Variants in CC2D2A observed in about 807,000 individuals in gnomAD.
CC2D2A encodes coiled-coil and C2 domain-containing protein 2A.
A neutral mutation model predicts 212.9 loss-of-function variants in CC2D2A; 155 were observed. The ratio of observed to expected loss-of-function variants is 0.73; its 90% CI spans 0.64 to 0.83. The LOEUF (loss-of-function observed/expected upper bound fraction) is 0.83. Ranked by LOEUF, CC2D2A falls within the 40% of genes least tolerant of loss-of-function variation. The pLI is 0.00. For synonymous variants in CC2D2A, 667 were observed against 686.5 expected (o/e 0.97, Z 0.44); for missense variants, 1,856 against 1,956.2 (o/e 0.95, Z 0.97).
At position 15,529,586 on chromosome 4, in the gene CC2D2A, C is replaced by T. The variant is rs78555296; in HGVS notation, c.1466+860C>T. Among the ~76,000 whole-genome samples the T allele has an allele frequency of 3.3e-3, 507 of 152,160 alleles. 3 individuals are homozygous for T. Among genetic ancestry groups the T allele is most frequent in the African/African-American group, 0.012 (488 of 41,518 alleles). Reference sequence around the variant, plus strand: ...TATACAATGCATCTTAGACATTTTCCTGTTACAGTGCATGTAGATTTATAT... The same window carrying T: ...TATACAATGCATCTTAGACATTTTCTTGTTACAGTGCATGTAGATTTATAT... On this transcript the variant is annotated intron_variant, in intron 13 of 36. Coordinates refer to ENST00000424120, the MANE Select transcript of CC2D2A (RefSeq NM_001378615.1).
chr4:15,516,938 T>G (rs1233359911), intron 11 of CC2D2A, among the ~76,000 whole-genome samples, 182 bp downstream of exon 11: 2 of 144,662 alleles, frequency 1.4e-5, no homozygotes, highest in Non-Finnish European at 3.0e-5. Context: ...ACTCAATGCA[T>G]CCCTTCTTTT....
intron 2 of CC2D2A, 114 bp downstream of exon 2, chr4:15,476,085 G>C (rs906207095): frequency 3.5e-6 from 3 of 856,770 alleles, no homozygotes; most frequent in Non-Finnish European, 5.4e-6. Flanking sequence ...CATGTTAAAA[G>C]AAAAGCTTTA....
chr4:15,523,755 T>C (rs1166961171), intron 11 of CC2D2A, among the ~76,000 whole-genome samples: 3 of 152,228 alleles, frequency 2.0e-5, no homozygotes, highest in Non-Finnish European at 4.4e-5. Context: ...TCTTCTTGAA[T>C]ACTGGTGGGC....
Position 15,540,842 on chromosome 4 carries a change from A to T in CC2D2A, c.2009A>T (p.Glu670Val), listed in dbSNP as rs1718390262. The change falls in exon 17 of 37, where the codon GAG becomes GTG. Residue 670 changes from glutamate (E) to valine (V), a missense_variant. By Grantham distance (121) the Glu-to-Val change is moderately radical. Transcript: ENST00000424120. ...VTPNDQCPRA[E>V]VSRREDVKKR... is the part of the protein sequence containing the mutation. ...TGAATGGTCTCCTTTTGCAGAGCGG[A>T]GGTCTCGAGAAGGGAGGATGTAAAG... 1.3e-6 allele frequency: 2 copies of T among 1,597,468 alleles called. No homozygotes were observed. The highest frequency in any genetic ancestry group is 1.1e-5 in the South Asian group (1 of 87,636).
At chr4:15,558,193 G>A (rs1018618106) in intron 21 of CC2D2A, among the ~76,000 whole-genome samples, 1 of 152,074 alleles carries the variant, frequency 6.6e-6, no homozygotes, top group Non-Finnish European at 1.5e-5. Context: ...GTAGACACAT[G>A]CACTTTTATT....
intron 28 of CC2D2A, among the ~76,000 whole-genome samples, chr4:15,573,360 G>A (rs1359357770): frequency 2.6e-5 from 4 of 151,314 alleles, no homozygotes; most frequent in Admixed American, 1.3e-4. Flanking sequence ...GCGCCATCTC[G>A]GCTCACTGCA....
At chr4:15,571,928 T>G (rs996034485) in intron 28 of CC2D2A, among the ~76,000 whole-genome samples, 1 of 152,182 alleles carries the variant, frequency 6.6e-6, no homozygotes, top group East Asian at 1.9e-4. Flanking sequence ...TCTGGTAATA[T>G]CTGTGCTCTG....
chr4:15,554,894 C>T (rs1719200416), intron 19 of CC2D2A, among the ~76,000 whole-genome samples, 178 bp from the exon 20 acceptor site: 1 of 152,114 alleles, frequency 6.6e-6, no homozygotes, highest in Non-Finnish European at 1.5e-5. Context: ...TCTTTATTGT[C>T]CTTATGTTTA....
In CC2D2A at chr4:15,555,123, A is replaced by G; in HGVS notation, c.2538A>G (p.Thr846=). The G allele has an allele frequency of 6.2e-7, 1 of 1,613,860 alleles. No individual in the cohort carries two copies. The highest frequency in any genetic ancestry group is 2.2e-5 in the East Asian group (1 of 44,856). ...CATCTATTGGCACATCAGGACTGAC[A>G]GACATGAAAAAATTGGCCAAGTGGG... is the stretch of plus-strand genomic sequence containing the variant. ...AISSIGTSGL[T]DMKKLAKWAA... is the part of the protein sequence containing the mutation. The change falls in exon 20 of 37, where the codon ACA becomes ACG. Residue 846 remains threonine, a synonymous_variant. Transcript: ENST00000424120.
intron 28 of CC2D2A, among the ~76,000 whole-genome samples, chr4:15,571,090 T>C (rs1720143962): frequency 6.6e-6 from 1 of 152,192 alleles, no homozygotes; most frequent in African/African-American, 2.4e-5. Flanking sequence ...CTGATAATTT[T>C]TTAAATATTA....
At position 15,527,646 on chromosome 4, in the gene CC2D2A, T is replaced by C; in HGVS notation, c.1349T>C (p.Leu450Pro). ...ARHQRNKAKF[L>P]TDKLQALRNA... ...CACCAGAGAAACAAGGCGAAATTTC[T>C]TACTGATAAGGTACATGTGATTTCT... The change falls in exon 12 of 37, where the codon CTT (leucine) becomes CCT (proline). Residue 450 changes from leucine (L) to proline (P), a missense_variant. Physicochemically the swap from Leu to Pro is moderately conservative, Grantham distance 98 (BLOSUM62 -3). Transcript: ENST00000424120. The C allele has an allele frequency of 6.2e-7, 1 of 1,605,342 alleles. No homozygotes were observed. Among genetic ancestry groups the C allele is most frequent in the Non-Finnish European group, 8.5e-7 (1 of 1,175,430 alleles).
Position 15,567,475 on chromosome 4 carries a change from T to C in CC2D2A, c.3281T>C (p.Leu1094Pro). ...YSPTHNADYP[L>P]GQVLVRPFVE... ...CCAACCCACAATGCTGACTACCCCC[T>C]CGGCCAGGTGAGAGATGCTGGACTT... Residue 1094 changes from leucine (L) to proline (P), a missense_variant, in exon 25 of 37, where the codon CTC becomes CCC. Around this residue, in one of 5 missense-constraint regions of CC2D2A, gnomAD observed 1,512 missense variants for 1,579.3 expected, o/e 0.96. Transcript: ENST00000424120. The C allele has an allele frequency of 6.2e-7, 1 of 1,612,508 alleles. No homozygotes were observed. Among genetic ancestry groups the C allele is most frequent in the East Asian group, 2.2e-5 (1 of 44,824 alleles).
chr4:15,473,028 A>G lies in CC2D2A; in HGVS notation c.-18-2887A>G, dbSNP rs757501148. On this transcript the variant is annotated intron_variant, in intron 1 of 36. Coordinates refer to ENST00000424120, the MANE Select transcript of CC2D2A (RefSeq NM_001378615.1). ...CTGTTGTTTCTCCATGTGTTTTCTC[A>G]TTTAATCCTCACAGCAGCCTAGAAG... is the stretch of plus-strand genomic sequence containing the variant. Among the ~76,000 whole-genome samples the G allele has an allele frequency of 6.4e-4, 97 of 152,320 alleles. No homozygotes were observed. The Middle Eastern group carries it at 0.02, about 32-fold the overall frequency.
At chr4:15,556,144 G>A (rs1352233442) in intron 20 of CC2D2A, among the ~76,000 whole-genome samples, 1 of 152,082 alleles carries the variant, frequency 6.6e-6, no homozygotes, top group South Asian at 2.1e-4. Context: ...TATTTTTCTT[G>A]GTATCGAATA....
At chr4:15,515,356 A>G (rs752547787) in intron 9 of CC2D2A, among the ~76,000 whole-genome samples, 3 of 152,232 alleles carry the variant, frequency 2.0e-5, no homozygotes, top group Non-Finnish European at 4.4e-5. Flanking sequence ...GGCTCTCAGT[A>G]AAGATGTGTT....
intron 5 of CC2D2A, 113 bp downstream of exon 5, chr4:15,502,630 C>G (rs1471737312): frequency 3.7e-6 from 4 of 1,082,652 alleles, no homozygotes; most frequent in Middle Eastern, 2.4e-4. Flanking sequence ...TTCAATTTGT[C>G]TTTCAAGTTT....
rs772820560 is a variant in CC2D2A, at chr4:15,514,872, A to G, written c.880+3A>G. ...CTTCATACCCAGTAGGCAGACAGGT[A>G]CTTGCTCTTTTTATTTTCTTGTTCA... On this transcript the variant is annotated splice_donor_region_variant and intron_variant, in intron 9 of 36. Transcript: ENST00000424120. The G allele has an allele frequency of 1.2e-6, 2 of 1,612,856 alleles. No homozygotes were observed. Among genetic ancestry groups the G allele is most frequent in the Non-Finnish European group, 1.7e-6 (2 of 1,179,112 alleles).
chr4:15,592,701 C>T (rs2148491190), intron 33 of CC2D2A, among the ~76,000 whole-genome samples: 1 of 152,208 alleles, frequency 6.6e-6, no homozygotes, highest in South Asian at 2.1e-4. Flanking sequence ...TAGGACCACA[C>T]CTATTATTAT....
At chr4:15,549,957 T>C (rs1456561155) in intron 17 of CC2D2A, among the ~76,000 whole-genome samples, 1 of 152,050 alleles carries the variant, frequency 6.6e-6, no homozygotes, top group Non-Finnish European at 1.5e-5. Flanking sequence ...TCAGTGGAAA[T>C]AAAAGTAGTA....
Sources: allele counts gnomAD v4.1 joint callset (sites outside exome capture counted in the v4.1 genomes callset), GRCh38; gene constraint gnomAD v4.1.1; regional missense constraint gnomAD v4.1.1; transcripts MANE v1.5; gene names NCBI Gene and HGNC (gene_info 2026-07-23, HGNC 2026-07-21).